The following NPR3 variants were observed in gnomAD, a reference collection of about 807,000 sequenced individuals.
NPR3 encodes natriuretic peptide receptor 3.
A neutral mutation model predicts 54.5 loss-of-function variants in NPR3; 34 were observed. The ratio of observed to expected loss-of-function variants is 0.62; its 90% CI spans 0.47 to 0.83. The LOEUF is 0.83. Among genes scored for constraint, NPR3 ranks in the 40% least tolerant of loss-of-function variants. The pLI is 0.00. For missense variants in NPR3, 674 were observed against 720.8 expected, an observed-to-expected ratio of 0.94 and a Z score of 0.74; for synonymous variants, 289 against 297.1, an observed-to-expected ratio of 0.97 and a Z score of 0.28.
chr5:32,740,626 T>A (rs1456693376), intron 3 of NPR3, among the ~76,000 whole-genome samples: 1 of 151,654 alleles, frequency 6.6e-6, no homozygotes, highest in Admixed American at 6.6e-5. Flanking sequence ...AAACCCCAGG[T>A]GAAGTTAATT....
chr5:32,729,797 T>C (rs955926881), intron 2 of NPR3, among the ~76,000 whole-genome samples: 3 of 152,234 alleles, frequency 2.0e-5, no homozygotes, highest in Non-Finnish European at 4.4e-5. Flanking sequence ...ATATATGTTG[T>C]TTGTCATTGA....
intron 3 of NPR3, among the ~76,000 whole-genome samples, chr5:32,751,155 T>TA (rs3838653): frequency 6.6e-6 from 1 of 152,080 alleles, no homozygotes; most frequent in Non-Finnish European, 1.5e-5. Flanking sequence ...GATATTTACA[T>TA]AAAAAATAAT....
intron 3 of NPR3, among the ~76,000 whole-genome samples, chr5:32,754,996 G>A (rs184308293): frequency 0.028 from 4,252 of 152,300 alleles, 71 homozygotes; most frequent in Middle Eastern, 0.088. Context: ...GAGTAGCTGG[G>A]ACTACAGGCG....
At chr5:32,767,686 C>T (rs1741546524) in intron 3 of NPR3, among the ~76,000 whole-genome samples, 1 of 151,864 alleles carries the variant, frequency 6.6e-6, no homozygotes, top group African/African-American at 2.4e-5. Flanking sequence ...TAGTCCTCAC[C>T]ACACCTTGAA....
rs373288417 is a variant in NPR3 at position 32,758,745 on chromosome 5, C to A, written c.1060-15963C>A. Among the ~76,000 whole-genome samples the A allele has an allele frequency of 3.9e-5, 6 of 152,188 alleles. No individual in the cohort carries two copies. The South Asian group carries it at 6.2e-4, about 16-fold the overall frequency. The stretch of plus-strand genomic sequence containing the variant: ...TGCTTTCTCTCGTGGGCTTTCAGTG[C>A]TATAAATTTCCCTCTACACAGTGCT... On this transcript the variant is annotated intron_variant, in intron 3 of 7. Transcript: ENST00000265074.
At chr5:32,727,974 A>T (rs1335873058) in intron 2 of NPR3, among the ~76,000 whole-genome samples, 1 of 152,236 alleles carries the variant, frequency 6.6e-6, no homozygotes, top group Non-Finnish European at 1.5e-5. Flanking sequence ...GATTTTTAAA[A>T]TCAGAAATGA....
chr5:32,765,336 A>C (rs898839984), intron 3 of NPR3, among the ~76,000 whole-genome samples: 1 of 152,210 alleles, frequency 6.6e-6, no homozygotes, highest in African/African-American at 2.4e-5. Flanking sequence ...GAATCTTTCA[A>C]ATCCTCACTT....
chr5:32,716,281 C>T lies in NPR3; in HGVS notation c.769+3736C>T, dbSNP rs190950683. 18 of 359,316 alleles carry T rather than the reference C, an allele frequency of 5.0e-5. No individual in the cohort carries two copies. In the East Asian group the frequency reaches 1.4e-3, roughly 29 times the overall value. The allele number at this position is 359,316 out of a possible 1,614,324, so 22.3% of individuals were successfully genotyped here. On this transcript the variant is annotated intron_variant, in intron 1 of 7. Transcript: ENST00000265074. ...CAAGGTTTATGAGGAGAAAAAGGTT[C>T]CTGTCTCCTACTCTCCATTTTTCAC...
chr5:32,735,715 C>T (rs1739703587), intron 2 of NPR3, among the ~76,000 whole-genome samples: 1 of 152,140 alleles, frequency 6.6e-6, no homozygotes, highest in East Asian at 1.9e-4. Flanking sequence ...ACCCAGTTGT[C>T]TACTGCATTA....
chr5:32,714,483 T>C (rs906953786), intron 1 of NPR3, among the ~76,000 whole-genome samples: 5 of 150,042 alleles, frequency 3.3e-5, no homozygotes, highest in Non-Finnish European at 7.4e-5. Context: ...AAAAGCCTCA[T>C]AGACGTTCCG....
chr5:32,731,540 A>T (rs879187779), intron 2 of NPR3, among the ~76,000 whole-genome samples: 1 of 152,234 alleles, frequency 6.6e-6, no homozygotes, highest in Admixed American at 6.5e-5. Context: ...TGACGTATAT[A>T]AAATACCTTG....
At position 32,774,695 on chromosome 5, in the gene NPR3, G is replaced by T; in HGVS notation, c.1060-13G>T. On this transcript the variant is annotated splice_polypyrimidine_tract_variant and intron_variant, in intron 3 of 7. Transcript: ENST00000265074. ...TGGTGTTTTGGTTCACCCATCTGGG[G>T]TTTTCTTTTCAGGTTAACATGTTTG... 6.2e-7 allele frequency: 1 copy of T among 1,608,194 alleles called. No individual in the cohort carries two copies. Among genetic ancestry groups the T allele is most frequent in the Non-Finnish European group, 8.5e-7 (1 of 1,174,654 alleles).
chr5:32,698,171 G>T (rs1056360637), intron 1 of NPR3, among the ~76,000 whole-genome samples: 1 of 151,820 alleles, frequency 6.6e-6, no homozygotes, highest in Non-Finnish European at 1.5e-5. Flanking sequence ...TATCCCATGG[G>T]TTTTGGTATG....
At chr5:32,756,188 C>G (rs181383616) in intron 3 of NPR3, among the ~76,000 whole-genome samples, 2 of 152,186 alleles carry the variant, frequency 1.3e-5, no homozygotes, top group Admixed American at 6.5e-5. Context: ...CTGTCTTCCA[C>G]GAATGGTTGA....
At chr5:32,713,516 C>A in intron 1 of NPR3, 2 of 943,260 alleles carry the variant, frequency 2.1e-6, no homozygotes, top group Non-Finnish European at 2.5e-6. Context: ...GGATTAGGAG[C>A]ACTGCGATGA....
chr5:32,776,789 A>G (rs1742072002), intron 4 of NPR3, among the ~76,000 whole-genome samples: 1 of 152,184 alleles, frequency 6.6e-6, no homozygotes, highest in Non-Finnish European at 1.5e-5. Context: ...GGGATGAGGC[A>G]ACAAACAATG....
chr5:32,723,067 C>T (rs569079048), intron 1 of NPR3, among the ~76,000 whole-genome samples: 2 of 152,316 alleles, frequency 1.3e-5, no homozygotes, highest in South Asian at 4.1e-4. Flanking sequence ...AACCTCCATG[C>T]AGGTTGCCAA....
chr5:32,711,727 G>A lies in NPR3; in HGVS notation c.-50G>A. On this transcript the variant is annotated 5_prime_UTR_variant, in exon 1 of 8. Coordinates refer to ENST00000265074, the MANE Select transcript of NPR3 (RefSeq NM_001204375.2). ...GAGGAAAGAGGAAGGGTGGGTGGGG[G>A]GCAGAGGGCGAGTCGGCGGCGGCGA... The A allele has an allele frequency of 7.1e-7, 1 of 1,410,500 alleles. No individual in the cohort carries two copies. The highest frequency in any genetic ancestry group is 9.2e-7 in the Non-Finnish European group (1 of 1,083,970). The allele number at this position is 1,410,500 out of a possible 1,614,324, so 87.4% of individuals were successfully genotyped here.
At chr5:32,771,090 G>A (rs373090762) in intron 3 of NPR3, among the ~76,000 whole-genome samples, 2 of 150,874 alleles carry the variant, frequency 1.3e-5, no homozygotes, top group South Asian at 2.1e-4. Flanking sequence ...TAATTTGCAC[G>A]TCGAATTTTC....
Sources: gnomAD v4.1 joint callset for allele counts (sites outside exome capture counted in the v4.1 genomes callset) on GRCh38, gnomAD v4.1.1 for gene constraint, MANE v1.5 for transcripts, NCBI Gene and HGNC (gene_info 2026-07-23, HGNC 2026-07-21) for gene names.